Variants in DGKB observed in about 807,000 individuals in gnomAD.
DGKB encodes the protein 90 kDa diacylglycerol kinase.
DGKB carries 67 observed loss-of-function variants against 114.3 expected under a neutral mutation model. The observed-to-expected ratio is 0.59, with a 90% CI of 0.48 to 0.72. The LOEUF (loss-of-function observed/expected upper bound fraction) is 0.72. DGKB is among the 30% of genes least tolerant of loss of function. The pLI is 0.00. For synonymous variants in DGKB, 398 were observed against 323.1 expected, an observed-to-expected ratio of 1.23 and a Z score of -2.49; for missense variants, 907 against 975.2, an observed-to-expected ratio of 0.93 and a Z score of 0.93.
chr7:14,874,484 A>G (rs1406048534), intron 1 of DGKB, among the ~76,000 whole-genome samples: 1 of 152,044 alleles, frequency 6.6e-6, no homozygotes, highest in Non-Finnish European at 1.5e-5. Flanking sequence ...TTTTGTATCT[A>G]CAAAATCTTA....
chr7:14,474,830 T>G (rs1339014899), intron 21 of DGKB, among the ~76,000 whole-genome samples: 1 of 126,200 alleles, frequency 7.9e-6, no homozygotes, highest in Non-Finnish European at 1.7e-5. Flanking sequence ...ATATTTAGTT[T>G]TTTTTTTTCT....
chr7:14,284,716 AT>A (rs1690205813), intron 23 of DGKB, among the ~76,000 whole-genome samples: 1 of 151,616 alleles, frequency 6.6e-6, no homozygotes, highest in Non-Finnish European at 1.5e-5. Flanking sequence ...TTGTAGGGAC[AT>A]GGATGAAATT....
rs540426514 is a variant in DGKB, at chr7:14,962,170, A to G, written c.-188+12526T>C. On this transcript the variant is annotated intron_variant, in intron 1 of 4. Transcript: ENST00000437998. The stretch of plus-strand genomic sequence containing the variant: ...TCATTATGTATGAAATGGTTTGCAT[A>G]TTTTATGAGGCATTTCCAGATATTC... Among the ~76,000 whole-genome samples the G allele has an allele frequency of 6.9e-4, 105 of 152,238 alleles. No individual in the cohort carries two copies. The South Asian group carries it at 0.013, about 18-fold the overall frequency.
At chr7:14,177,968 C>A (rs901382311) in intron 24 of DGKB, 63 bp downstream of exon 24, 1 of 1,465,894 alleles carries the variant, frequency 6.8e-7, no homozygotes, top group African/African-American at 1.5e-5. Flanking sequence ...GTTCTGCATA[C>A]TTTTAATTAG....
At chr7:14,535,467 AC>A (rs1179808123) in intron 20 of DGKB, among the ~76,000 whole-genome samples, 1 of 152,154 alleles carries the variant, frequency 6.6e-6, no homozygotes, top group East Asian at 1.9e-4. Flanking sequence ...TCAAGTAACT[AC>A]AAAAAGAACA....
chr7:14,558,096 T>G (rs1463360371), intron 20 of DGKB, among the ~76,000 whole-genome samples: 1 of 150,454 alleles, frequency 6.6e-6, no homozygotes, highest in Non-Finnish European at 1.5e-5. Context: ...TTTATATATA[T>G]CTATATGGTT....
intron 2 of DGKB, among the ~76,000 whole-genome samples, chr7:14,779,068 A>G (rs2128485002): frequency 6.6e-6 from 1 of 152,028 alleles, no homozygotes. Context: ...AGTCAGGAGA[A>G]TTGCTTGAAC....
At chr7:14,272,385 T>C (rs1798388618) in intron 23 of DGKB, among the ~76,000 whole-genome samples, 1 of 152,298 alleles carries the variant, frequency 6.6e-6, no homozygotes. Context: ...CGTAAAATTA[T>C]AGGTTTGAAG....
At chr7:14,542,298 A>C (rs1055558937) in intron 20 of DGKB, among the ~76,000 whole-genome samples, 1 of 152,136 alleles carries the variant, frequency 6.6e-6, no homozygotes, top group Non-Finnish European at 1.5e-5. Context: ...TGCTGGTGCA[A>C]GCCAGGTGCT....
At chr7:14,700,211 A>AT (rs1824887426) in intron 7 of DGKB, among the ~76,000 whole-genome samples, 1 of 143,432 alleles carries the variant, frequency 7.0e-6, no homozygotes, top group African/African-American at 2.5e-5. Flanking sequence ...TTTGAAAAAA[A>AT]ATTTTTTTTT....
chr7:14,573,775 TAG>T (rs3071269), intron 20 of DGKB, among the ~76,000 whole-genome samples: 49,073 of 151,738 alleles, frequency 0.32, 8,934 homozygotes, highest in South Asian at 0.46. Flanking sequence ...GGATTTTTTG[TAG>T]ACTTTTCATA....
At chr7:14,309,857 C>T (rs917846931) in intron 23 of DGKB, among the ~76,000 whole-genome samples, 1 of 152,102 alleles carries the variant, frequency 6.6e-6, no homozygotes, top group Non-Finnish European at 1.5e-5. Flanking sequence ...TCTGCAGGTG[C>T]AGGAAGAGTA....
rs762568811 is a variant in DGKB at position 14,178,095 on chromosome 7, G to A, written c.2179C>T (p.Gln727Ter). The A allele has an allele frequency of 6.2e-7, 1 of 1,612,386 alleles. No homozygotes were observed. Among genetic ancestry groups the A allele is most frequent in the Admixed American group, 1.7e-5 (1 of 59,626 alleles). The change falls in exon 24 of 26, where the codon CAA (glutamine) becomes TAA (stop). Residue 727 changes from glutamine to a stop codon, truncating the protein, a stop_gained. Coordinates refer to ENST00000402815, the MANE Select transcript of DGKB (RefSeq NM_001350709.2). LOFTEE classifies it high-confidence loss of function. Reference sequence around the variant, plus strand: ...GCACTTTTCAGGCCTGTGTATATTTGCCCCATCTCCATGGCTCCTTCCAAG... The same window carrying A: ...GCACTTTTCAGGCCTGTGTATATTTACCCCATCTCCATGGCTCCTTCCAAG... ...VGLEGAMEMG[Q>*]IYTGLKSAGR...
intron 5 of DGKB, among the ~76,000 whole-genome samples, chr7:14,734,020 CGTGTGTGTGTGTGT>C (rs71004332): frequency 6.7e-6 from 1 of 148,184 alleles, no homozygotes; most frequent in African/African-American, 2.5e-5. Context: ...TATACCAACA[CGTGTGTGTGTGTGT>C]GTGTGTGTGT....
chr7:14,489,130 C>A (rs1028636032), intron 20 of DGKB, among the ~76,000 whole-genome samples: 33 of 152,134 alleles, frequency 2.2e-4, no homozygotes, highest in African/African-American at 7.0e-4. Context: ...ACAAACTCTG[C>A]CTGTATCTAT....
chr7:14,260,103 CACAT>C (rs1368668230), intron 23 of DGKB, among the ~76,000 whole-genome samples: 3 of 37,376 alleles, frequency 8.0e-5, no homozygotes, highest in African/African-American at 1.7e-4. Flanking sequence ...CACACACACA[CACAT>C]GAACACACAC....
At chr7:14,755,623 C>T (rs1376981140) in intron 3 of DGKB, among the ~76,000 whole-genome samples, 1 of 151,972 alleles carries the variant, frequency 6.6e-6, no homozygotes, top group South Asian at 2.1e-4. Flanking sequence ...AGGAATTCTG[C>T]CATATTGTAA....
intron 14 of DGKB, 99 bp from the exon 15 acceptor site, chr7:14,621,593 C>T (rs1330557747): frequency 1.4e-6 from 1 of 699,388 alleles, no homozygotes; most frequent in Non-Finnish European, 2.3e-6. Context: ...TGGTTACAAA[C>T]ACAGGCTCAA....
intron 2 of DGKB, among the ~76,000 whole-genome samples, chr7:14,776,552 C>T (rs1027864755): frequency 9.2e-5 from 14 of 152,226 alleles, no homozygotes; most frequent in Admixed American, 4.6e-4. Flanking sequence ...AGGTATGACT[C>T]GGGCCTTGGC....
Sources: allele counts gnomAD v4.1 joint callset (sites outside exome capture counted in the v4.1 genomes callset), GRCh38; gene constraint gnomAD v4.1.1; transcripts MANE v1.5; gene names NCBI Gene and HGNC (gene_info 2026-07-23, HGNC 2026-07-21).